Variants in UBE2K observed in about 807,000 individuals in gnomAD.
UBE2K encodes the protein ubiquitin conjugating enzyme E2 K.
In UBE2K, 6 loss-of-function variants were observed where a neutral mutation model predicts 30.0. That is an observed-to-expected ratio of 0.20 (90% CI 0.11 to 0.39). The LOEUF is 0.39. Ranked by LOEUF, UBE2K falls within the 10% of genes least tolerant of loss-of-function variation. UBE2K has a pLI of 1.00. For missense variants in UBE2K, 61 were observed against 241.6 expected (o/e 0.25, Z 4.96); for synonymous variants, 86 against 83.7 (o/e 1.03, Z -0.15).
At chr4:39,766,993 C>T (rs985494038) in intron 4 of UBE2K, among the ~76,000 whole-genome samples, 1 of 152,144 alleles carries the variant, frequency 6.6e-6, no homozygotes, top group Non-Finnish European at 1.5e-5. Context: ...TCAGGTGATC[C>T]ACCTGCCTCA....
At chr4:39,747,211 A>C (rs141106797) in intron 3 of UBE2K, among the ~76,000 whole-genome samples, 1 of 152,330 alleles carries the variant, frequency 6.6e-6, no homozygotes, top group African/African-American at 2.4e-5. Context: ...TGCATGACAT[A>C]AAATTTACCA....
At chr4:39,706,735 G>GACTATATAT (rs1718389294) in intron 1 of UBE2K, among the ~76,000 whole-genome samples, 1 of 151,818 alleles carries the variant, frequency 6.6e-6, no homozygotes, top group East Asian at 1.9e-4. Context: ...GCCCAGCCAA[G>GACTATATAT]ACTATATACT....
chr4:39,704,870 T>G (rs1031088381), intron 1 of UBE2K, among the ~76,000 whole-genome samples: 1 of 67,350 alleles, frequency 1.5e-5, no homozygotes, highest in Admixed American at 1.3e-4. Context: ...ACTATACACC[T>G]TTTTTTTTTT....
intron 1 of UBE2K, among the ~76,000 whole-genome samples, chr4:39,715,171 G>A (rs1320340153): frequency 1.3e-5 from 2 of 151,542 alleles, no homozygotes; most frequent in Non-Finnish European, 2.9e-5. Flanking sequence ...GACTACAGGC[G>A]CCCGCCACCA....
intron 6 of UBE2K, among the ~76,000 whole-genome samples, chr4:39,778,012 C>A: frequency 6.8e-6 from 1 of 147,326 alleles, no homozygotes; most frequent in East Asian, 2.0e-4. Context: ...GTGAGAGAAT[C>A]CCTTGGGCCC....
Position 39,752,324 on chromosome 4 carries a change from TC to T in UBE2K, c.217-3332del, listed in dbSNP as rs61313103. Among the ~76,000 whole-genome samples, 508 of 106,616 alleles carry T rather than the reference TC, an allele frequency of 4.8e-3. 18 individuals carry two copies. Among genetic ancestry groups the T allele is most frequent in the African/African-American group, 0.015 (439 of 30,084 alleles). 69.9% of individuals were successfully genotyped at this position (106,616 alleles called of 152,430 possible). On this transcript the variant is annotated intron_variant, in intron 3 of 6. Coordinates refer to ENST00000261427, the MANE Select transcript of UBE2K (RefSeq NM_005339.5). The stretch of plus-strand genomic sequence containing the variant: ...CACGCCTGGCTAATTTTTTTTTTTT[TC>T]TTTTTTTTTCTTTTTTTTTTTTTTT...
At chr4:39,732,692 T>TTTC (rs1720139112) in intron 1 of UBE2K, among the ~76,000 whole-genome samples, 1 of 149,300 alleles carries the variant, frequency 6.7e-6, no homozygotes, top group East Asian at 1.9e-4. Context: ...TTTTTTTTTT[T>TTTC]GGTGACAGAG....
intron 4 of UBE2K, 29 bp from the exon 5 acceptor site, chr4:39,774,805 T>C: frequency 7.1e-7 from 1 of 1,405,808 alleles, no homozygotes; most frequent in Admixed American, 2.3e-5. Context: ...GCCCTCTTAA[T>C]TGGGATATTT....
chr4:39,712,195 CTTTTTTTTTTT>C (rs34711359), intron 1 of UBE2K, among the ~76,000 whole-genome samples: 1 of 58,310 alleles, frequency 1.7e-5, no homozygotes, highest in Non-Finnish European at 2.9e-5. Context: ...CACCGACAAC[CTTTTTTTTTTT>C]TTTTTTTTTT....
At chr4:39,718,070 G>C (rs182438813) in intron 1 of UBE2K, among the ~76,000 whole-genome samples, 1 of 152,132 alleles carries the variant, frequency 6.6e-6, no homozygotes, top group Admixed American at 6.6e-5. Context: ...AAGGGGACCC[G>C]AGTGGGTTGC....
At chr4:39,723,360 C>CT (rs1453384095) in intron 1 of UBE2K, among the ~76,000 whole-genome samples, 17 of 116,956 alleles carry the variant, frequency 1.5e-4, no homozygotes, top group Non-Finnish European at 1.0e-4. Flanking sequence ...CTGCTGTCTT[C>CT]TCTTTTTTTT....
At chr4:39,743,075 CA>C (rs1406297993) in intron 2 of UBE2K, among the ~76,000 whole-genome samples, 2 of 151,128 alleles carry the variant, frequency 1.3e-5, no homozygotes, top group Non-Finnish European at 3.0e-5. Flanking sequence ...GGATTCGAAA[CA>C]AAAAGGGCTT....
chr4:39,740,730 G>A (rs1284080715), intron 2 of UBE2K, among the ~76,000 whole-genome samples: 9 of 150,932 alleles, frequency 6.0e-5, no homozygotes, highest in Non-Finnish European at 1.2e-4. Context: ...AGGCGTGATG[G>A]TGGGCGCCTG....
chr4:39,717,857 C>G (rs566141406), intron 1 of UBE2K, among the ~76,000 whole-genome samples: 6 of 150,544 alleles, frequency 4.0e-5, no homozygotes, highest in Non-Finnish European at 8.8e-5. Flanking sequence ...TGCAGACCTT[C>G]GCGGTGAGTG....
At chr4:39,707,760 T>A (rs1235241457) in intron 1 of UBE2K, among the ~76,000 whole-genome samples, 4 of 151,778 alleles carry the variant, frequency 2.6e-5, no homozygotes, top group Non-Finnish European at 4.4e-5. Context: ...CTTCAAGCAG[T>A]CCTCCTGCCT....
At chr4:39,770,715 A>G (rs949990589) in intron 4 of UBE2K, 39 of 1,573,768 alleles carry the variant, frequency 2.5e-5, no homozygotes, top group African/African-American at 1.4e-4. Flanking sequence ...CAGCTCCCCA[A>G]GGTGGCCACC....
At chr4:39,733,979 T>G (rs1468225956) in intron 1 of UBE2K, among the ~76,000 whole-genome samples, 1 of 152,156 alleles carries the variant, frequency 6.6e-6, no homozygotes, top group Non-Finnish European at 1.5e-5. Flanking sequence ...TGAATTAAAC[T>G]GTGGTGGTAT....
intron 1 of UBE2K, among the ~76,000 whole-genome samples, chr4:39,699,434 C>T (rs1476663993): frequency 6.6e-6 from 1 of 152,122 alleles, no homozygotes; most frequent in Admixed American, 6.6e-5. Context: ...TCCCGTTGCT[C>T]TTAAGTCCTG....
chr4:39,743,660 G>C (rs927538544), intron 2 of UBE2K, among the ~76,000 whole-genome samples: 2 of 151,170 alleles, frequency 1.3e-5, no homozygotes, highest in African/African-American at 4.9e-5. Context: ...ATAACTATCA[G>C]CTCACGGCCA....
Sources: allele counts gnomAD v4.1 joint callset (sites outside exome capture counted in the v4.1 genomes callset), GRCh38; gene constraint gnomAD v4.1.1; transcripts MANE v1.5; gene names NCBI Gene and HGNC (gene_info 2026-07-23, HGNC 2026-07-21).